The following MEOX2 variants were observed in gnomAD, a reference collection of about 807,000 sequenced individuals.
MEOX2 encodes the protein homeobox protein MOX-2.
A neutral mutation model predicts 27.0 loss-of-function variants in MEOX2; 11 were observed. The observed-to-expected ratio is 0.41, with a 90% CI of 0.26 to 0.68. The LOEUF (loss-of-function observed/expected upper bound fraction) is 0.68. Ranked by LOEUF, MEOX2 falls within the 30% of genes least tolerant of loss-of-function variation. The probability of loss-of-function intolerance (pLI) is 0.33; values close to 1 mark genes in which losing one functional copy is unlikely to be tolerated. For synonymous variants in MEOX2, 189 were observed against 155.4 expected, an observed-to-expected ratio of 1.22 and a Z score of -1.61; for missense variants, 436 against 385.4, an observed-to-expected ratio of 1.13 and a Z score of -1.10.
At chr7:15,679,007 A>G (rs1013226728) in intron 1 of MEOX2, 4 of 152,200 alleles carry the variant, frequency 2.6e-5, no homozygotes, top group East Asian at 1.9e-4. Context: ...TTTTATAACT[A>G]TCATTGATTG....
At chr7:15,613,383 A>G (rs975289633) in intron 2 of MEOX2, among the ~76,000 whole-genome samples, 7 of 76,984 alleles carry the variant, frequency 9.1e-5, no homozygotes, top group African/African-American at 3.6e-4. Context: ...AATAACATAT[A>G]TGTATTAAAA....
At chr7:15,670,673 G>A (rs918623506) in intron 1 of MEOX2, among the ~76,000 whole-genome samples, 6 of 152,048 alleles carry the variant, frequency 3.9e-5, no homozygotes. Flanking sequence ...GCAACATGTG[G>A]CTTTACATAC....
intron 1 of MEOX2, chr7:15,679,923 A>G (rs983096598): frequency 2.0e-5 from 3 of 151,940 alleles, no homozygotes; most frequent in African/African-American, 7.2e-5. Flanking sequence ...TTTTCATAAC[A>G]CTGTGAAAAC....
Position 15,612,422 on chromosome 7 carries a change from C to A in MEOX2, c.880G>T (p.Asp294Tyr). ...GDSIANEDSH[D>Y]SDHSSEHAHL The stretch of plus-strand genomic sequence containing the variant: ...GCATGCTCTGAGCTGTGGTCACTGT[C>A]GTGACTGTCTTCATTTGCTATAGAG... The change falls in exon 3 of 3, where the codon GAC becomes TAC. Residue 294 changes from aspartate (D) to tyrosine (Y), a missense_variant. Asp to Tyr is a radical substitution (Grantham distance 160). Coordinates refer to ENST00000262041, the MANE Select transcript of MEOX2 (RefSeq NM_005924.5). 1.2e-6 allele frequency: 2 copies of A among 1,614,070 alleles called. No homozygotes were observed. Among genetic ancestry groups the A allele is most frequent in the Non-Finnish European group, 1.7e-6 (2 of 1,179,972 alleles).
At chr7:15,655,524 C>G (rs147797262) in intron 1 of MEOX2, among the ~76,000 whole-genome samples, 164 of 151,776 alleles carry the variant, frequency 1.1e-3, no homozygotes, top group African/African-American at 3.5e-3. Flanking sequence ...AAATTTCCAT[C>G]TTGGGGCTGC....
At chr7:15,616,900 C>T (rs964502220) in intron 2 of MEOX2, among the ~76,000 whole-genome samples, 9 of 151,872 alleles carry the variant, frequency 5.9e-5, no homozygotes, top group African/African-American at 1.4e-4. Flanking sequence ...AAGGTATTCA[C>T]GGTCAAGAAA....
rs1157256542 is a variant in MEOX2 at position 15,646,735 on chromosome 7, TAAA to T, written c.518-19820_518-19818del. On this transcript the variant is annotated intron_variant, in intron 1 of 2. Transcript: ENST00000262041. ...GAAAAGAGCACCAATATTTGTCACTTAAAAAATCACACTGACATAAAACTAATG... is the reference window on the plus strand; with the variant it reads ...GAAAAGAGCACCAATATTTGTCACTTAAATCACACTGACATAAAACTAATG... Among the ~76,000 whole-genome samples, 3 of 151,942 alleles carry T rather than the reference TAAA, an allele frequency of 2.0e-5. No homozygotes were observed. The South Asian group carries it at 6.2e-4, about 31-fold the overall frequency.
At chr7:15,685,810 G>C in intron 1 of MEOX2, 76 bp downstream of exon 1, 2 of 1,502,412 alleles carry the variant, frequency 1.3e-6, no homozygotes, top group Non-Finnish European at 1.8e-6. Flanking sequence ...CCTCCAGTGC[G>C]AGAATCTCCC....
chr7:15,679,490 T>G (rs1184156145), intron 1 of MEOX2: 2 of 152,118 alleles, frequency 1.3e-5, no homozygotes, highest in African/African-American at 4.8e-5. Context: ...TAAATACATT[T>G]GAAACATTCA....
At chr7:15,677,281 CCAGA>C (rs1419465868) in intron 1 of MEOX2, among the ~76,000 whole-genome samples, 1 of 152,146 alleles carries the variant, frequency 6.6e-6, no homozygotes, top group African/African-American at 2.4e-5. Flanking sequence ...CTTTACTAAG[CCAGA>C]CATTGTTCTA....
rs888084417 is a variant in MEOX2, at chr7:15,614,001, C to A, written c.691-1390G>T. On this transcript the variant is annotated intron_variant, in intron 2 of 2. Coordinates refer to ENST00000262041, the MANE Select transcript of MEOX2 (RefSeq NM_005924.5). ...TTTCTTTTTCCTTTTCTTAGAGTGT[C>A]TTTTGATGATTAGAAACTCTTAATA... is the stretch of plus-strand genomic sequence containing the variant. Among the ~76,000 whole-genome samples, 7 of 151,538 alleles carry A rather than the reference C, an allele frequency of 4.6e-5. No homozygotes were observed. The East Asian group carries it at 1.2e-3, about 25-fold the overall frequency.
intron 1 of MEOX2, among the ~76,000 whole-genome samples, chr7:15,672,815 C>G (rs559662060): frequency 6.6e-6 from 1 of 151,786 alleles, no homozygotes; most frequent in South Asian, 2.1e-4. Context: ...TTGCTTTAAC[C>G]TGGGAGGCAG....
intron 1 of MEOX2, among the ~76,000 whole-genome samples, chr7:15,627,808 A>AACACACAC (rs71549949): frequency 2.5e-4 from 37 of 147,404 alleles, no homozygotes; most frequent in East Asian, 6.0e-4. Context: ...ATCAATAGTA[A>AACACACAC]ACACACACAC....
chr7:15,643,017 G>T (rs1781586948), intron 1 of MEOX2, among the ~76,000 whole-genome samples: 1 of 152,168 alleles, frequency 6.6e-6, no homozygotes, highest in Non-Finnish European at 1.5e-5. Flanking sequence ...GGCTTATCTT[G>T]TTCCTCCCTG....
chr7:15,641,918 A>G (rs527238531), intron 1 of MEOX2, among the ~76,000 whole-genome samples: 2 of 152,274 alleles, frequency 1.3e-5, no homozygotes, highest in South Asian at 4.1e-4. Context: ...CCATTCGAAA[A>G]AAAAGGCTAA....
chr7:15,650,729 T>G (rs1583768384), intron 1 of MEOX2, among the ~76,000 whole-genome samples: 1 of 151,980 alleles, frequency 6.6e-6, no homozygotes, highest in African/African-American at 2.4e-5. Flanking sequence ...TCTCCATACT[T>G]TTAAAATTTT....
intron 1 of MEOX2, among the ~76,000 whole-genome samples, chr7:15,632,268 A>G (rs1170212995): frequency 6.6e-6 from 1 of 151,836 alleles, no homozygotes; most frequent in East Asian, 1.9e-4. Context: ...AAATAGGTGC[A>G]TAGTACATAA....
intron 1 of MEOX2, among the ~76,000 whole-genome samples, chr7:15,665,709 C>T (rs981392500): frequency 2.0e-5 from 3 of 152,136 alleles, no homozygotes; most frequent in Admixed American, 6.5e-5. Context: ...TTGTAGTATT[C>T]ATTCAGATCA....
chr7:15,624,437 A>G (rs904774444), intron 2 of MEOX2, among the ~76,000 whole-genome samples: 3 of 152,196 alleles, frequency 2.0e-5, no homozygotes, highest in African/African-American at 7.2e-5. Flanking sequence ...CTTGTCCTAC[A>G]CTGACACTGA....
Sources: allele counts gnomAD v4.1 joint callset (sites outside exome capture counted in the v4.1 genomes callset), GRCh38; gene constraint gnomAD v4.1.1; transcripts MANE v1.5; gene names NCBI Gene and HGNC (gene_info 2026-07-23, HGNC 2026-07-21).